TGFB2: variants seen among roughly 807,000 people sequenced by gnomAD.
The protein encoded by TGFB2 is transforming growth factor beta-2 proprotein.
Under a neutral mutation model 42.7 loss-of-function variants are expected in TGFB2, and 13 were observed. The observed-to-expected ratio is 0.30, with a 90% CI of 0.20 to 0.48. TGFB2 has a LOEUF of 0.48. TGFB2 is among the 20% of genes least tolerant of loss of function. TGFB2 has a pLI of 0.99. For missense variants in TGFB2, 390 were observed against 517.5 expected (o/e 0.75, Z 2.39); for synonymous variants, 193 against 193.6 (o/e 1.00, Z 0.03).
At chr1:218,427,223 C>CT (rs1163858922) in intron 2 of TGFB2, among the ~76,000 whole-genome samples, 3 of 152,014 alleles carry the variant, frequency 2.0e-5, no homozygotes, top group Non-Finnish European at 4.4e-5. Context: ...ATTTCTAGAA[C>CT]TTTTTTTATC....
chr1:218,352,580 A>G (rs1273082644), intron 1 of TGFB2, among the ~76,000 whole-genome samples: 1 of 152,190 alleles, frequency 6.6e-6, no homozygotes, highest in Non-Finnish European at 1.5e-5. Context: ...ATAAATTTGC[A>G]TCATGCTACA....
Position 218,434,230 on chromosome 1 carries a change from C to G in TGFB2, c.643+16C>G, listed in dbSNP as rs1659899529. ...CACCATAAAGGTTACAAGCCACTCTCTCTTTTCCTCCCAAGATGTTCAGTA... is the reference window on the plus strand; with the variant it reads ...CACCATAAAGGTTACAAGCCACTCTGTCTTTTCCTCCCAAGATGTTCAGTA... On this transcript the variant is annotated intron_variant, in intron 3 of 6. Transcript: ENST00000366930. 3 of 1,612,980 alleles carry G rather than the reference C, an allele frequency of 1.9e-6. No homozygotes were observed. Among genetic ancestry groups the G allele is most frequent in the Non-Finnish European group, 2.5e-6 (3 of 1,179,118 alleles).
intron 2 of TGFB2, among the ~76,000 whole-genome samples, chr1:218,407,330 T>C (rs1347490707): frequency 6.6e-6 from 1 of 152,204 alleles, no homozygotes; most frequent in Admixed American, 6.5e-5. Flanking sequence ...TCATCCCACC[T>C]CTGCTTCCCA....
chr1:218,414,226 T>TGC (rs10581735), intron 2 of TGFB2, among the ~76,000 whole-genome samples: 1,437 of 132,756 alleles, frequency 0.011, 8 homozygotes, highest in African/African-American at 0.023. Flanking sequence ...TAAACACATG[T>TGC]GCACACACAC....
intron 2 of TGFB2, among the ~76,000 whole-genome samples, chr1:218,410,818 G>A (rs1659070014): frequency 6.6e-6 from 1 of 152,186 alleles, no homozygotes; most frequent in African/African-American, 2.4e-5. Context: ...CTTTGATTAA[G>A]TTTCCCCTGT....
chr1:218,355,507 T>C (rs918875389), intron 1 of TGFB2, among the ~76,000 whole-genome samples: 33 of 152,358 alleles, frequency 2.2e-4, no homozygotes, highest in African/African-American at 7.5e-4. Flanking sequence ...GCTCTCTCAG[T>C]GCAAGTCATT....
intron 2 of TGFB2, among the ~76,000 whole-genome samples, chr1:218,419,661 AG>A (rs1474918010): frequency 6.6e-6 from 1 of 152,232 alleles, no homozygotes; most frequent in Admixed American, 6.5e-5. Flanking sequence ...TAACTTATAA[AG>A]GGGATTCTGT....
At chr1:218,418,802 G>A (rs998095919) in intron 2 of TGFB2, among the ~76,000 whole-genome samples, 1 of 152,116 alleles carries the variant, frequency 6.6e-6, no homozygotes, top group African/African-American at 2.4e-5. Flanking sequence ...TTAAAAAGAG[G>A]CATTCTGCTA....
rs2102635426 is a variant in TGFB2, at chr1:218,441,942, A to G, written c.*580A>G. The G allele has an allele frequency of 6.6e-6, 1 of 152,344 alleles. No individual in the cohort carries two copies. Among genetic ancestry groups the G allele is most frequent in the East Asian group, 1.9e-4 (1 of 5,184 alleles). The allele number at this position is 152,344 out of a possible 1,614,324, so 9.4% of individuals were successfully genotyped here. A position where few individuals can be genotyped will look rare whatever the true frequency, so the allele number is the denominator to read the frequency against. ...CAGAAACTCATGGATGGCTTAAGGA[A>G]CTTGAACTCAAACGAGCCAGAAAAA... is the stretch of plus-strand genomic sequence containing the variant. On this transcript the variant is annotated 3_prime_UTR_variant, in exon 7 of 7. Coordinates refer to ENST00000366930, the MANE Select transcript of TGFB2 (RefSeq NM_003238.6).
intron 2 of TGFB2, among the ~76,000 whole-genome samples, chr1:218,422,787 C>T (rs2102614301): frequency 6.6e-6 from 1 of 152,166 alleles, no homozygotes; most frequent in Middle Eastern, 3.4e-3. Flanking sequence ...ATCTTATTAT[C>T]CTGGGGTATA....
chr1:218,435,398 T>G (rs933148478), intron 4 of TGFB2, among the ~76,000 whole-genome samples: 1 of 152,168 alleles, frequency 6.6e-6, no homozygotes, highest in African/African-American at 2.4e-5. Flanking sequence ...ATCAGGAAAG[T>G]GTTGAGGATG....
intron 6 of TGFB2, 148 bp from the exon 7 acceptor site, chr1:218,441,056 T>G: frequency 1.5e-6 from 1 of 684,912 alleles, no homozygotes; most frequent in Non-Finnish European, 2.3e-6. Flanking sequence ...TCAGTTTGAC[T>G]GTAATTTAGG....
chr1:218,357,521 C>T (rs1003854064), intron 1 of TGFB2, among the ~76,000 whole-genome samples: 6 of 152,216 alleles, frequency 3.9e-5, no homozygotes, highest in East Asian at 1.9e-4. Context: ...GCTGAGAAAG[C>T]GGTCCTCCCT....
chr1:218,363,334 C>T, intron 1 of TGFB2: 1 of 1,613,800 alleles, frequency 6.2e-7, no homozygotes, highest in Non-Finnish European at 8.5e-7. Flanking sequence ...AAACTCCTAG[C>T]TGTCTGCCCA....
At chr1:218,427,802 A>G (rs1213502795) in intron 2 of TGFB2, among the ~76,000 whole-genome samples, 2 of 152,180 alleles carry the variant, frequency 1.3e-5, no homozygotes, top group Non-Finnish European at 2.9e-5. Context: ...ATTCGTGTGC[A>G]TGTGTCTTTA....
intron 2 of TGFB2, among the ~76,000 whole-genome samples, chr1:218,430,322 G>T (rs1413271825): frequency 1.3e-5 from 2 of 151,886 alleles, no homozygotes; most frequent in Non-Finnish European, 2.9e-5. Context: ...TTGAACCCTG[G>T]AGGCGGAGGT....
intron 1 of TGFB2, 137 bp from the exon 2 acceptor site, chr1:218,405,032 A>C: frequency 4.6e-6 from 4 of 878,282 alleles, no homozygotes; most frequent in Non-Finnish European, 6.9e-6. Context: ...TTACATTGTT[A>C]ATGGTATTAA....
chr1:218,364,789 G>A (rs1172763668), intron 1 of TGFB2, among the ~76,000 whole-genome samples: 2 of 152,120 alleles, frequency 1.3e-5, no homozygotes, highest in African/African-American at 4.8e-5. Flanking sequence ...TTAGTACAGA[G>A]AGCCTCAAAG....
intron 2 of TGFB2, among the ~76,000 whole-genome samples, chr1:218,428,684 C>T (rs1204035444): frequency 6.6e-6 from 1 of 152,146 alleles, no homozygotes; most frequent in African/African-American, 2.4e-5. Flanking sequence ...TGTTCTGTTC[C>T]ATTGATCTAT....
Sources: gnomAD v4.1 joint callset for allele counts (sites outside exome capture counted in the v4.1 genomes callset) on GRCh38, gnomAD v4.1.1 for gene constraint, MANE v1.5 for transcripts, NCBI Gene and HGNC (gene_info 2026-07-23, HGNC 2026-07-21) for gene names.